The following CNKSR2 variants were observed in gnomAD, a reference collection of about 807,000 sequenced individuals.
The protein encoded by CNKSR2 is CNK homolog protein 2.
In CNKSR2, 14 loss-of-function variants were observed where a neutral mutation model predicts 84.4. That is an observed-to-expected ratio of 0.17 (90% CI 0.11 to 0.26). CNKSR2 has a LOEUF of 0.26. Among genes scored for constraint, CNKSR2 ranks in the 10% least tolerant of loss-of-function variants. The probability of loss-of-function intolerance (pLI) is 1.00; values close to 1 mark genes in which losing one functional copy is unlikely to be tolerated. For missense variants in CNKSR2, 485 were observed against 771.2 expected (o/e 0.63, Z 4.40); for synonymous variants, 275 against 277.9 (o/e 0.99, Z 0.10).
intron 2 of CNKSR2, chrX:21,428,543 G>T (rs1438099866): frequency 9.0e-6 from 1 of 111,317 alleles, no homozygotes; most frequent in Non-Finnish European, 1.9e-5. Context: ...TGATTTGGAG[G>T]TGTAATAATA....
chrX:21,428,941 G>C (rs964680562), intron 2 of CNKSR2: 6 of 111,645 alleles, frequency 5.4e-5, no homozygotes, highest in Non-Finnish European at 7.5e-5. Context: ...CTAAAAAGGT[G>C]CTACACGATG....
chrX:21,507,295 T>C (rs2091622914), intron 8 of CNKSR2, among the ~76,000 whole-genome samples: 1 of 111,438 alleles, frequency 9.0e-6, no homozygotes, highest in African/African-American at 3.3e-5. Flanking sequence ...TCATTACTTT[T>C]ACATTTCCTC....
chrX:21,420,670 A>G (rs1181693441), intron 1 of CNKSR2, among the ~76,000 whole-genome samples: 1 of 110,798 alleles, frequency 9.0e-6, no homozygotes, highest in African/African-American at 3.3e-5. Context: ...GGGTATGTCT[A>G]GGAATGTCAT....
chrX:21,527,078 C>T (rs926563288), intron 10 of CNKSR2, 78 bp downstream of exon 10: 3 of 877,920 alleles, frequency 3.4e-6, no homozygotes, highest in East Asian at 3.2e-5. Flanking sequence ...AAAGTCAATT[C>T]TGAAGGAACA....
At chrX:21,492,982 T>G (rs2091457830) in intron 6 of CNKSR2, 1 of 111,947 alleles carries the variant, frequency 8.9e-6, no homozygotes, top group Non-Finnish European at 1.9e-5. Flanking sequence ...TTAATGAAAT[T>G]TAATTAGCTT....
At chrX:21,616,013 C>G (rs2147294711) in intron 20 of CNKSR2, among the ~76,000 whole-genome samples, 1 of 111,545 alleles carries the variant, frequency 9.0e-6, no homozygotes, top group Non-Finnish European at 1.9e-5. Flanking sequence ...ACCTTGCATT[C>G]CAAATAGCAA....
At chrX:21,452,302 C>G (rs1275050983) in intron 4 of CNKSR2, among the ~76,000 whole-genome samples, 1 of 110,947 alleles carries the variant, frequency 9.0e-6, no homozygotes, top group Non-Finnish European at 1.9e-5. Flanking sequence ...CCATGTTGAC[C>G]AGGTTGGTCT....
intron 11 of CNKSR2, among the ~76,000 whole-genome samples, chrX:21,533,640 C>A (rs1283198668): frequency 9.0e-6 from 1 of 111,318 alleles, no homozygotes; most frequent in African/African-American, 3.3e-5. Flanking sequence ...TCTCCCCCGA[C>A]TAGAATAGAA....
At chrX:21,623,872 T>C (rs2092611896) in intron 20 of CNKSR2, among the ~76,000 whole-genome samples, 1 of 111,826 alleles carries the variant, frequency 8.9e-6, no homozygotes, top group Non-Finnish European at 1.9e-5. Flanking sequence ...TTGAATAACT[T>C]TTTTACAATT....
At chrX:21,641,908 G>C (rs761477958) in intron 20 of CNKSR2, 2 of 807,675 alleles carry the variant, frequency 2.5e-6, no homozygotes, top group Non-Finnish European at 3.0e-6. Flanking sequence ...TTCTGTGGGA[G>C]AACAGAAGGG....
intron 1 of CNKSR2, among the ~76,000 whole-genome samples, chrX:21,378,197 ATATCT>A (rs2089847135): frequency 9.0e-6 from 1 of 111,701 alleles, no homozygotes; most frequent in Non-Finnish European, 1.9e-5. Context: ...CTATTTGGAG[ATATCT>A]TATAGACCTT....
intron 11 of CNKSR2, among the ~76,000 whole-genome samples, chrX:21,545,068 C>G (rs1395747348): frequency 1.8e-5 from 2 of 111,149 alleles, no homozygotes; most frequent in Non-Finnish European, 3.8e-5. Context: ...GGGGCTGAAG[C>G]CAGGGAGCCA....
At chrX:21,528,707 C>A (rs1238755198) in intron 10 of CNKSR2, among the ~76,000 whole-genome samples, 2 of 111,272 alleles carry the variant, frequency 1.8e-5, no homozygotes, top group Non-Finnish European at 3.8e-5. Context: ...CCATACTTTT[C>A]TGTAAAATTC....
Position 21,484,650 on chromosome X carries a change from C to A in CNKSR2, c.562-5809C>A, listed in dbSNP as rs2091360956. 5.4e-5 allele frequency among the ~76,000 whole-genome samples: 6 copies of A among 111,261 alleles called. 1 individual carries two copies. The South Asian group carries it at 1.9e-3, about 35-fold the overall frequency. On this transcript the variant is annotated intron_variant, in intron 5 of 21. Coordinates refer to ENST00000379510, the MANE Select transcript of CNKSR2 (RefSeq NM_014927.5). ...TTTTTAACCTTATCAGCCTTGAGTT[C>A]TTTCCTGCATCAAATGAATTTTCTG...
At chrX:21,406,964 A>G (rs1289612135) in intron 1 of CNKSR2, among the ~76,000 whole-genome samples, 1 of 111,802 alleles carries the variant, frequency 8.9e-6, no homozygotes, top group African/African-American at 3.2e-5. Flanking sequence ...TTTCTTAACA[A>G]TTAAACCATG....
intron 11 of CNKSR2, among the ~76,000 whole-genome samples, chrX:21,546,440 C>T (rs1433621115): frequency 9.1e-6 from 1 of 110,338 alleles, no homozygotes; most frequent in African/African-American, 3.3e-5. Context: ...ACCAAACCCA[C>T]ATTTGGTCTT....
intron 20 of CNKSR2, among the ~76,000 whole-genome samples, chrX:21,634,527 T>A (rs1027107871): frequency 2.7e-5 from 3 of 111,289 alleles, no homozygotes; most frequent in Non-Finnish European, 3.8e-5. Context: ...AAGTTATTGA[T>A]GGAGGAAAAT....
chrX:21,374,918 G>C lies in CNKSR2; in HGVS notation c.21G>C (p.Pro7=). The change falls in exon 1 of 22, where the codon CCG becomes CCC. Residue 7 remains proline (P), a synonymous_variant. Coordinates refer to ENST00000379510, the MANE Select transcript of CNKSR2 (RefSeq NM_014927.5). ...TACCCATGGCTCTGATAATGGAACC[G>C]GTGAGCAAATGGTCTCCGAGTCAAG... is the stretch of plus-strand genomic sequence containing the variant. MALIME[P]VSKWSPSQVV... is the part of the protein sequence containing the mutation. 1 of 1,210,323 alleles carries C rather than the reference G, an allele frequency of 8.3e-7. No homozygotes were observed. Among genetic ancestry groups the C allele is most frequent in the Non-Finnish European group, 1.1e-6 (1 of 893,901 alleles).
intron 20 of CNKSR2, among the ~76,000 whole-genome samples, chrX:21,648,089 G>A (rs1255805396): frequency 1.8e-5 from 2 of 111,238 alleles, no homozygotes; most frequent in Non-Finnish European, 3.8e-5. Context: ...TTTCTCCTCA[G>A]GTCTTACAAA....
Sources: allele counts gnomAD v4.1 joint callset (sites outside exome capture counted in the v4.1 genomes callset), GRCh38; gene constraint gnomAD v4.1.1; transcripts MANE v1.5; gene names NCBI Gene and HGNC (gene_info 2026-07-23, HGNC 2026-07-21).